The following SDC2 variants were observed in gnomAD, a reference collection of about 807,000 sequenced individuals.
SDC2 encodes the protein syndecan-2.
SDC2 carries 13 observed loss-of-function variants against 22.2 expected under a neutral mutation model. The observed-to-expected ratio is 0.59, with a 90% CI of 0.38 to 0.93. The LOEUF is 0.93. SDC2 is among the 40% of genes least tolerant of loss of function. SDC2 has a pLI of 0.00. For synonymous variants in SDC2, 94 were observed against 92.8 expected, an observed-to-expected ratio of 1.01 and a Z score of -0.07; for missense variants, 235 against 246.8, an observed-to-expected ratio of 0.95 and a Z score of 0.32.
chr8:96,529,124 G>A (rs1394571366), intron 1 of SDC2: 1 of 152,170 alleles, frequency 6.6e-6, no homozygotes, highest in Non-Finnish European at 1.5e-5. Flanking sequence ...TTTTTCCCAA[G>A]GAAAATAGTA....
intron 1 of SDC2, among the ~76,000 whole-genome samples, chr8:96,583,230 G>A (rs929732355): frequency 7.2e-6 from 1 of 139,048 alleles, no homozygotes; most frequent in Non-Finnish European, 1.5e-5. Flanking sequence ...GGGATTACAA[G>A]CATGAGTCAC....
At chr8:96,559,149 G>A (rs891183605) in intron 1 of SDC2, among the ~76,000 whole-genome samples, 3 of 152,148 alleles carry the variant, frequency 2.0e-5, no homozygotes, top group Non-Finnish European at 2.9e-5. Flanking sequence ...TGGAAATGAG[G>A]TTGCCATATT....
At chr8:96,541,110 A>G (rs912054360) in intron 1 of SDC2, among the ~76,000 whole-genome samples, 1 of 152,202 alleles carries the variant, frequency 6.6e-6, no homozygotes, top group African/African-American at 2.4e-5. Flanking sequence ...GTGTATACAT[A>G]CAGTGGAATA....
chr8:96,598,583 A>C (rs890750236), intron 2 of SDC2, among the ~76,000 whole-genome samples: 1 of 152,092 alleles, frequency 6.6e-6, no homozygotes, highest in African/African-American at 2.4e-5. Flanking sequence ...GCACTATTGC[A>C]CTCCAGTCTG....
At chr8:96,586,541 C>T (rs753959388) in intron 1 of SDC2, 2 of 152,164 alleles carry the variant, frequency 1.3e-5, no homozygotes, top group African/African-American at 2.4e-5. Context: ...GTGGCACCTT[C>T]CAAGTAAGTG....
chr8:96,554,422 A>C (rs1490045766), intron 1 of SDC2, among the ~76,000 whole-genome samples: 1 of 152,088 alleles, frequency 6.6e-6, no homozygotes, highest in Non-Finnish European at 1.5e-5. Flanking sequence ...TCTTAATATG[A>C]TTTTAAAAGG....
intron 1 of SDC2, among the ~76,000 whole-genome samples, chr8:96,511,774 CA>C (rs1377549647): frequency 2.0e-5 from 3 of 150,180 alleles, no homozygotes; most frequent in Non-Finnish European, 4.4e-5. Flanking sequence ...CTGGCTGCAT[CA>C]AGAGGCTTAT....
In SDC2 at chr8:96,518,405, G is replaced by A. The variant is rs112550155; in HGVS notation, c.60+24074G>A. On this transcript the variant is annotated intron_variant, in intron 1 of 4. Coordinates refer to ENST00000302190, the MANE Select transcript of SDC2 (RefSeq NM_002998.4). ...AGACAGAGTCTCTCTCTGTCACGCA[G>A]GCTGGAGTGCAGTGGCGCGATCTCG... Among the ~76,000 whole-genome samples, 199 of 149,472 alleles carry A rather than the reference G, an allele frequency of 1.3e-3. 2 individuals are homozygous for A. The highest frequency in any genetic ancestry group is 4.8e-3 in the African/African-American group (194 of 40,342).
chr8:96,510,548 CAG>C (rs1268786467), intron 1 of SDC2, among the ~76,000 whole-genome samples: 2 of 152,176 alleles, frequency 1.3e-5, no homozygotes, highest in African/African-American at 4.8e-5. Context: ...TTAATTGACT[CAG>C]GGAACAAAAC....
At chr8:96,552,709 G>A (rs1051992403) in intron 1 of SDC2, among the ~76,000 whole-genome samples, 5 of 152,094 alleles carry the variant, frequency 3.3e-5, no homozygotes, top group Non-Finnish European at 7.4e-5. Context: ...AGGTCATTTT[G>A]TACTATTTTG....
In SDC2 at chr8:96,493,864, C is replaced by A; in HGVS notation, c.-408C>A. 5.6e-6 allele frequency: 1 copy of A among 177,448 alleles called. No individual in the cohort carries two copies. The highest frequency in any genetic ancestry group is 1.2e-5 in the Non-Finnish European group (1 of 84,476). The allele number at this position is 177,448 out of a possible 1,614,324, so 11.0% of individuals were successfully genotyped here. On this transcript the variant is annotated 5_prime_UTR_variant, in exon 1 of 5. Coordinates refer to ENST00000302190, the MANE Select transcript of SDC2 (RefSeq NM_002998.4). ...GGATCGCGCGCTCCCGCCGCTCTGC[C>A]CCTAAACTTCTGCCGTAGCTCCCTT...
At chr8:96,601,030 G>C (rs1814972778) in intron 2 of SDC2, among the ~76,000 whole-genome samples, 1 of 152,166 alleles carries the variant, frequency 6.6e-6, no homozygotes, top group East Asian at 1.9e-4. Flanking sequence ...GGTAGAGGAG[G>C]ATAAACCAGC....
At chr8:96,539,174 C>G (rs1258708777) in intron 1 of SDC2, among the ~76,000 whole-genome samples, 3 of 152,186 alleles carry the variant, frequency 2.0e-5, no homozygotes, top group African/African-American at 4.8e-5. Flanking sequence ...ATAACGAGTA[C>G]TGAGCATAGA....
chr8:96,581,519 C>T (rs780448858), intron 1 of SDC2, among the ~76,000 whole-genome samples: 5 of 152,044 alleles, frequency 3.3e-5, no homozygotes, highest in Non-Finnish European at 7.4e-5. Context: ...GTAATCCCAG[C>T]TACTTGAGAG....
At chr8:96,533,743 C>T (rs950626367) in intron 1 of SDC2, among the ~76,000 whole-genome samples, 1 of 151,948 alleles carries the variant, frequency 6.6e-6, no homozygotes, top group African/African-American at 2.4e-5. Context: ...CATAAAGGTT[C>T]TCCAAGTCCC....
chr8:96,494,126 C>A lies in SDC2; in HGVS notation c.-146C>A. The stretch of plus-strand genomic sequence containing the variant: ...GGAGGAAGCGAGCGCCCCCGAGCCC[C>A]GAGCCCGAGTCCCCGAGCCTGAGCC... On this transcript the variant is annotated 5_prime_UTR_variant, in exon 1 of 5. Transcript: ENST00000302190. 1.3e-6 allele frequency: 1 copy of A among 777,768 alleles called. No homozygotes were observed. Among genetic ancestry groups the A allele is most frequent in the South Asian group, 1.8e-5 (1 of 54,450 alleles). 48.2% of individuals were successfully genotyped at this position (777,768 alleles called of 1,614,324 possible).
intron 1 of SDC2, among the ~76,000 whole-genome samples, chr8:96,528,423 C>T (rs2575733): frequency 0.23 from 34,822 of 151,994 alleles, 4,892 homozygotes; most frequent in African/African-American, 0.4. Context: ...ATTGTCCTCT[C>T]ATAAAATTAA....
chr8:96,594,649 T>A (rs987218168), intron 2 of SDC2, among the ~76,000 whole-genome samples: 2 of 152,190 alleles, frequency 1.3e-5, no homozygotes, highest in Admixed American at 6.5e-5. Flanking sequence ...TGATGAATAT[T>A]TCCCCTGTTC....
intron 1 of SDC2, among the ~76,000 whole-genome samples, chr8:96,538,003 G>GC (rs1324898366): frequency 4.6e-5 from 7 of 152,056 alleles, no homozygotes; most frequent in Non-Finnish European, 8.8e-5. Context: ...TCGCTCTGTC[G>GC]CCAGGCTGGA....
Sources: gnomAD v4.1 joint callset for allele counts (sites outside exome capture counted in the v4.1 genomes callset) on GRCh38, gnomAD v4.1.1 for gene constraint, MANE v1.5 for transcripts, NCBI Gene and HGNC (gene_info 2026-07-23, HGNC 2026-07-21) for gene names.